TENM3: variants seen among roughly 807,000 people sequenced by gnomAD.
The protein encoded by TENM3 is teneurin-3.
Under a neutral mutation model 255.1 loss-of-function variants are expected in TENM3, and 63 were observed. The ratio of observed to expected loss-of-function variants is 0.25; its 90% CI spans 0.20 to 0.30. The LOEUF (loss-of-function observed/expected upper bound fraction) is 0.30, where lower values mean the gene tolerates loss of function less well. Among genes scored for constraint, TENM3 ranks in the 10% least tolerant of loss-of-function variants. The pLI is 1.00. For synonymous variants in TENM3, 1,306 were observed against 1,322.3 expected (o/e 0.99, Z 0.27); for missense variants, 2,929 against 3,461.1 (o/e 0.85, Z 3.86).
In TENM3 at chr4:182,335,280, C is replaced by T. The variant is rs1338771838; in HGVS notation, c.232+11028C>T. ...TTGGGAGGCTGAGGCGGGCGGATCA[C>T]GAGGTCAGGAGATCGAGACCATCCT... On this transcript the variant is annotated intron_variant, in intron 2 of 27. Transcript: ENST00000511685. Among the ~76,000 whole-genome samples the T allele has an allele frequency of 2.3e-5, 3 of 132,804 alleles. 1 individual carries two copies. Among genetic ancestry groups the T allele is most frequent in the Non-Finnish European group, 4.9e-5 (3 of 61,142 alleles). The allele number at this position is 132,804 out of a possible 152,430, so 87.1% of individuals were successfully genotyped here. A position where few individuals can be genotyped will look rare whatever the true frequency, so the allele number is the denominator to read the frequency against.
At chr4:181,700,540 G>A in the TENM3 span, among the ~76,000 whole-genome samples, 3 of 152,086 alleles carry the variant, frequency 2.0e-5, no homozygotes, top group Non-Finnish European at 2.9e-5. Flanking sequence ...TCATTGCTAC[G>A]TTCTTGCAAC....
the TENM3 span, among the ~76,000 whole-genome samples, chr4:181,890,973 C>T: frequency 6.6e-6 from 1 of 152,154 alleles, no homozygotes; most frequent in African/African-American, 2.4e-5. Context: ...TACCCCAGTT[C>T]AGTTCTAATA....
intron 3 of TENM3, among the ~76,000 whole-genome samples, chr4:182,465,125 G>A (rs1472429461): frequency 6.6e-6 from 1 of 152,136 alleles, no homozygotes; most frequent in African/African-American, 2.4e-5. Context: ...TCAACCTATT[G>A]AAGTTAGTTT....
chr4:181,742,647 T>C, the TENM3 span, among the ~76,000 whole-genome samples: 1 of 152,024 alleles, frequency 6.6e-6, no homozygotes, highest in African/African-American at 2.4e-5. Flanking sequence ...TGATTGGAAG[T>C]GCTTTTTTTT....
At chr4:181,727,261 T>C in the TENM3 span, among the ~76,000 whole-genome samples, 1 of 152,214 alleles carries the variant, frequency 6.6e-6, no homozygotes, top group African/African-American at 2.4e-5. Context: ...CGCCATCTTG[T>C]GGTATCTAAG....
chr4:182,433,604 A>G (rs1487289738), intron 3 of TENM3, among the ~76,000 whole-genome samples: 4 of 152,320 alleles, frequency 2.6e-5, no homozygotes, highest in Non-Finnish European at 4.4e-5. Context: ...GTCAAGTGCA[A>G]GATAAAACTC....
At chr4:182,057,290 AAGAGAGAG>A in the TENM3 span, among the ~76,000 whole-genome samples, 34 of 149,424 alleles carry the variant, frequency 2.3e-4, no homozygotes, top group African/African-American at 7.9e-4. Context: ...AAATTTCTCA[AAGAGAGAG>A]AGAGAGAGAG....
chr4:182,301,611 C>A (rs1357776238), intron 1 of TENM3, among the ~76,000 whole-genome samples: 1 of 152,178 alleles, frequency 6.6e-6, no homozygotes, highest in Admixed American at 6.5e-5. Flanking sequence ...CTCCTAGGTG[C>A]GTCAGAGGAG....
chr4:181,787,528 T>G, the TENM3 span, among the ~76,000 whole-genome samples: 1 of 151,924 alleles, frequency 6.6e-6, no homozygotes, highest in Non-Finnish European at 1.5e-5. Flanking sequence ...TTAGTAGAGA[T>G]GAGGTTTCAC....
the TENM3 span, among the ~76,000 whole-genome samples, chr4:181,952,827 G>A: frequency 1.1e-3 from 162 of 152,344 alleles, 1 homozygote; most frequent in Admixed American, 2.1e-3. Flanking sequence ...GCCAAGGGGC[G>A]TCCAGAGCAG....
At chr4:182,477,624 A>AT (rs1348150542) in intron 3 of TENM3, among the ~76,000 whole-genome samples, 12 of 152,016 alleles carry the variant, frequency 7.9e-5, no homozygotes, top group Middle Eastern at 3.4e-3. Context: ...GCATTCTATG[A>AT]TTTTCCCCTA....
intron 3 of TENM3, among the ~76,000 whole-genome samples, chr4:182,364,708 C>T (rs781072780): frequency 1.8e-4 from 28 of 152,192 alleles, no homozygotes; most frequent in Non-Finnish European, 3.4e-4. Flanking sequence ...CGTGAGCCAC[C>T]GCGCCCAGCC....
chr4:182,066,880 C>T, the TENM3 span, among the ~76,000 whole-genome samples: 7 of 152,138 alleles, frequency 4.6e-5, no homozygotes, highest in East Asian at 1.2e-3. Context: ...CGCTGCACTC[C>T]AGCCTGGGCG....
the TENM3 span, among the ~76,000 whole-genome samples, chr4:181,616,413 A>G: frequency 6.7e-5 from 10 of 148,412 alleles, no homozygotes; most frequent in South Asian, 1.7e-3. Flanking sequence ...CCCTATATAT[A>G]TAAGTAGGGT....
rs543356395 is a variant in TENM3 at position 182,492,331 on chromosome 4, C to T, written c.512-108593C>T. Among the ~76,000 whole-genome samples the T allele has an allele frequency of 7.0e-4, 107 of 152,228 alleles. 1 individual carries two copies. The highest frequency in any genetic ancestry group is 2.5e-3 in the African/African-American group (103 of 41,540). On this transcript the variant is annotated intron_variant, in intron 3 of 27. Coordinates refer to ENST00000511685, the MANE Select transcript of TENM3 (RefSeq NM_001080477.4). ...CTGATAAGGAACTTGGTTTTGATTA[C>T]AGTAATGAGATATACGGGATGGTGT... is the stretch of plus-strand genomic sequence containing the variant.
At chr4:182,721,157 T>TAGATAA (rs1759699913) in intron 13 of TENM3, among the ~76,000 whole-genome samples, 1 of 152,118 alleles carries the variant, frequency 6.6e-6, no homozygotes, top group Non-Finnish European at 1.5e-5. Context: ...GGCATCTCTT[T>TAGATAA]AGAAACAGGC....
chr4:181,751,036 C>A, the TENM3 span, among the ~76,000 whole-genome samples: 204 of 152,282 alleles, frequency 1.3e-3, no homozygotes, highest in African/African-American at 4.8e-3. Flanking sequence ...CTTTCACCAG[C>A]TGGCTGCTTG....
At chr4:182,497,200 G>GCGCCAC (rs1560830535) in intron 3 of TENM3, among the ~76,000 whole-genome samples, 1 of 151,858 alleles carries the variant, frequency 6.6e-6, no homozygotes, top group Non-Finnish European at 1.5e-5. Flanking sequence ...ACTCAGGCAC[G>GCGCCAC]CGCCACCATG....
At chr4:182,071,134 A>C in the TENM3 span, among the ~76,000 whole-genome samples, 2 of 152,256 alleles carry the variant, frequency 1.3e-5, no homozygotes, top group East Asian at 3.9e-4. Flanking sequence ...ATTCAGGAAG[A>C]GCATACTATT....
Sources: gnomAD v4.1 joint callset for allele counts (sites outside exome capture counted in the v4.1 genomes callset) on GRCh38, gnomAD v4.1.1 for gene constraint, MANE v1.5 for transcripts, NCBI Gene and HGNC (gene_info 2026-07-23, HGNC 2026-07-21) for gene names.